HCRTR2: variants seen among roughly 807,000 people sequenced by gnomAD.
HCRTR2 encodes hypocretin receptor 2.
Under a neutral mutation model 49.0 loss-of-function variants are expected in HCRTR2, and 22 were observed. The observed-to-expected ratio is 0.45, with a 90% CI of 0.32 to 0.64. The LOEUF (loss-of-function observed/expected upper bound fraction) is 0.64, where lower values mean the gene tolerates loss of function less well. Among genes scored for constraint, HCRTR2 ranks in the 30% least tolerant of loss-of-function variants. The probability of loss-of-function intolerance (pLI) is 0.04; values close to 1 mark genes in which losing one functional copy is unlikely to be tolerated. For synonymous variants in HCRTR2, 236 were observed against 205.3 expected, an observed-to-expected ratio of 1.15 and a Z score of -1.28; for missense variants, 491 against 559.4, an observed-to-expected ratio of 0.88 and a Z score of 1.23.
At chr6:55,114,311 GA>G (rs1223013762) in intron 1 of HCRTR2, among the ~76,000 whole-genome samples, 1 of 149,194 alleles carries the variant, frequency 6.7e-6, no homozygotes, top group Non-Finnish European at 1.5e-5. Context: ...AAAAAAAAGT[GA>G]TAAACTTGTT....
chr6:55,149,456 T>A (rs1004572004), intron 1 of HCRTR2, among the ~76,000 whole-genome samples: 4 of 152,090 alleles, frequency 2.6e-5, no homozygotes, highest in Admixed American at 2.6e-4. Flanking sequence ...CTATTATGAT[T>A]AATATTTACT....
intron 1 of HCRTR2, among the ~76,000 whole-genome samples, chr6:55,152,697 G>A (rs1010994277): frequency 1.3e-5 from 2 of 151,898 alleles, no homozygotes; most frequent in Non-Finnish European, 2.9e-5. Context: ...GCTCTCTGAA[G>A]TCCCTTCGAA....
In HCRTR2 at chr6:55,177,005, A is replaced by G. The variant is rs546539807; in HGVS notation, c.223+2195A>G. Among the ~76,000 whole-genome samples, 14 of 152,240 alleles carry G rather than the reference A, an allele frequency of 9.2e-5. No individual in the cohort carries two copies. The East Asian group carries it at 2.1e-3, about 23-fold the overall frequency. On this transcript the variant is annotated intron_variant, in intron 1 of 6. Transcript: ENST00000370862. The stretch of plus-strand genomic sequence containing the variant: ...TCTTCTTTGTTGTTATTGCATTTTT[A>G]CCTTGCATAGACCTTGTAGTGAATA...
chr6:55,135,359 A>G (rs937019925), intron 1 of HCRTR2, among the ~76,000 whole-genome samples: 4 of 152,154 alleles, frequency 2.6e-5, no homozygotes, highest in Non-Finnish European at 4.4e-5. Flanking sequence ...CCATGAAAAG[A>G]AACACAAATC....
intron 1 of HCRTR2, among the ~76,000 whole-genome samples, chr6:55,126,944 C>T (rs1274707316): frequency 6.6e-6 from 1 of 152,108 alleles, no homozygotes; most frequent in Non-Finnish European, 1.5e-5. Flanking sequence ...CCAGGTTGAT[C>T]TCAGACTGCT....
At chr6:55,281,307 C>T (rs1375653626) in intron 6 of HCRTR2, among the ~76,000 whole-genome samples, 1 of 152,014 alleles carries the variant, frequency 6.6e-6, no homozygotes, top group Non-Finnish European at 1.5e-5. Context: ...TAATTTTGTT[C>T]TATTTAAAAA....
intron 1 of HCRTR2, among the ~76,000 whole-genome samples, chr6:55,110,701 C>T (rs188911906): frequency 1.9e-4 from 29 of 151,876 alleles, no homozygotes; most frequent in Middle Eastern, 3.4e-3. Context: ...TATAAATGCA[C>T]CTAACACTGG....
chr6:55,220,959 A>G (rs1370457234), intron 1 of HCRTR2, among the ~76,000 whole-genome samples: 1 of 152,200 alleles, frequency 6.6e-6, no homozygotes, highest in Admixed American at 6.5e-5. Context: ...TATTATCAAA[A>G]ATGACTAAAA....
upstream of HCRTR2, among the ~76,000 whole-genome samples, chr6:55,173,927 G>A (rs1461601710): frequency 6.6e-6 from 1 of 152,268 alleles, no homozygotes; most frequent in Non-Finnish European, 1.5e-5. Context: ...TAAAGTGTTT[G>A]CCTGGAATGA....
chr6:55,191,307 A>G (rs1765311178), intron 1 of HCRTR2, among the ~76,000 whole-genome samples: 1 of 152,170 alleles, frequency 6.6e-6, no homozygotes, highest in African/African-American at 2.4e-5. Context: ...GCTAAGTAGA[A>G]CGCATAATAG....
intron 2 of HCRTR2, among the ~76,000 whole-genome samples, chr6:55,253,235 A>G (rs1379771100): frequency 6.6e-6 from 1 of 151,654 alleles, no homozygotes; most frequent in Non-Finnish European, 1.5e-5. Context: ...ACAACACACA[A>G]CACACACATT....
Position 55,282,526 on chromosome 6 carries a change from A to G in HCRTR2, c.*72A>G. ...TAAAATCACTGGGAACAGAAATTTT[A>G]TTATCCTATGATGTGAAGCTAAAAT... On this transcript the variant is annotated 3_prime_UTR_variant, in exon 7 of 7. Transcript: ENST00000370862. 1 of 844,528 alleles carries G rather than the reference A, an allele frequency of 1.2e-6. No homozygotes were observed. The highest frequency in any genetic ancestry group is 2.6e-5 in the East Asian group (1 of 38,048). The allele number at this position is 844,528 out of a possible 1,614,324, so 52.3% of individuals were successfully genotyped here.
At chr6:55,135,176 T>G (rs1764416971) in intron 1 of HCRTR2, among the ~76,000 whole-genome samples, 1 of 152,110 alleles carries the variant, frequency 6.6e-6, no homozygotes, top group Admixed American at 6.6e-5. Flanking sequence ...ATTTGGCCAT[T>G]AATTGGGTTT....
intron 1 of HCRTR2, among the ~76,000 whole-genome samples, chr6:55,162,052 A>G (rs566476904): frequency 6.6e-6 from 1 of 152,142 alleles, no homozygotes; most frequent in South Asian, 2.1e-4. Flanking sequence ...TTTCAGGCTA[A>G]TATATCCCTG....
intron 1 of HCRTR2, among the ~76,000 whole-genome samples, chr6:55,176,813 A>G (rs570365494): frequency 6.6e-6 from 1 of 152,196 alleles, no homozygotes; most frequent in Non-Finnish European, 1.5e-5. Context: ...TCTCCTCTGC[A>G]TCAACGCCCA....
At chr6:55,123,014 GTAAATGAGGAGT>G (rs1439758747) in intron 1 of HCRTR2, among the ~76,000 whole-genome samples, 2 of 151,598 alleles carry the variant, frequency 1.3e-5, no homozygotes, top group African/African-American at 4.9e-5. Context: ...TATACCTAAA[GTAAATGAGGAGT>G]TAATGAGTGC....
chr6:55,140,350 G>A (rs1164097550), intron 1 of HCRTR2, among the ~76,000 whole-genome samples: 1 of 152,016 alleles, frequency 6.6e-6, no homozygotes, highest in Non-Finnish European at 1.5e-5. Context: ...AGTCTATTAG[G>A]GTCCTTTGCT....
At chr6:55,112,869 C>G (rs556947159) in intron 1 of HCRTR2, among the ~76,000 whole-genome samples, 7 of 152,026 alleles carry the variant, frequency 4.6e-5, no homozygotes, top group Non-Finnish European at 1.0e-4. Flanking sequence ...CATTACCTGA[C>G]TTCAAACTAT....
rs557102365 is a variant in HCRTR2 at position 55,138,320 on chromosome 6, A to G, written c.-378+31775A>G. On this transcript the variant is annotated intron_variant, in intron 1 of 7. Transcript: ENST00000615358. ...TATAGTCTTCATGTTTGCCTCTAGC[A>G]AGTAAGATAAACTTCTTTTAACAAA... is the stretch of plus-strand genomic sequence containing the variant. Among the ~76,000 whole-genome samples the G allele has an allele frequency of 1.9e-3, 286 of 152,308 alleles. 5 individuals carry two copies. The highest frequency in any genetic ancestry group is 3.4e-3 in the Middle Eastern group (1 of 294).
Sources: allele counts gnomAD v4.1 joint callset (sites outside exome capture counted in the v4.1 genomes callset), GRCh38; gene constraint gnomAD v4.1.1; transcripts MANE v1.5; gene names NCBI Gene and HGNC (gene_info 2026-07-23, HGNC 2026-07-21).